The following PRKN variants were observed in gnomAD, a reference collection of about 807,000 sequenced individuals.
PRKN encodes parkin RBR E3 ubiquitin protein ligase, also known as E3 ubiquitin-protein ligase parkin.
In PRKN, 56 loss-of-function variants were observed where a neutral mutation model predicts 59.5. That is an observed-to-expected ratio of 0.94 (90% CI 0.76 to 1.18). PRKN has a LOEUF of 1.18. Among genes scored for constraint, PRKN ranks in the 50% most tolerant of loss-of-function variants. The pLI, the probability that PRKN is intolerant of heterozygous loss-of-function variation, is 0.00. For synonymous variants in PRKN, 250 were observed against 222.1 expected, an observed-to-expected ratio of 1.13 and a Z score of -1.12; for missense variants, 657 against 596.4, an observed-to-expected ratio of 1.10 and a Z score of -1.06.
At position 161,372,825 on chromosome 6, in the gene PRKN, ATTTTTTTTTT is replaced by A; in HGVS notation, c.1168-12630_1168-12621del. On this transcript the variant is annotated intron_variant, in intron 10 of 11. Transcript: ENST00000366898. This position sits in a 1 kb window ranked among gnomAD's most constrained non-coding sequence, Gnocchi z 4.2. ...TGGTCAACAAAGACAGAGAGACCCTATTTTTTTTTTTTTTTTTTTTTTGAGACAGGGTCTC... is the reference window on the plus strand; with the variant it reads ...TGGTCAACAAAGACAGAGAGACCCTATTTTTTTTTTTTGAGACAGGGTCTC... Among the ~76,000 whole-genome samples, 1 of 114,422 alleles carries A rather than the reference ATTTTTTTTTT, an allele frequency of 8.7e-6. No homozygotes were observed. Among genetic ancestry groups the A allele is most frequent in the African/African-American group, 3.4e-5 (1 of 29,608 alleles). The allele number at this position is 114,422 out of a possible 152,430, so 75.1% of individuals were successfully genotyped here. A position where few individuals can be genotyped will look rare whatever the true frequency, so the allele number is the denominator to read the frequency against.
chr6:162,509,169 G>C (rs898057323), intron 1 of PRKN, among the ~76,000 whole-genome samples: 1 of 152,046 alleles, frequency 6.6e-6, no homozygotes, highest in African/African-American at 2.4e-5. Context: ...TTTTAAGTGG[G>C]TATTTCTACA....
chr6:162,074,938 T>G (rs1293729995), intron 4 of PRKN, among the ~76,000 whole-genome samples: 16 of 152,226 alleles, frequency 1.1e-4, no homozygotes, highest in Admixed American at 4.6e-4. Flanking sequence ...AGTGATTTTT[T>G]TTGTTGTTCC....
intron 10 of PRKN, among the ~76,000 whole-genome samples, chr6:161,368,329 TTG>T (rs1273609872): frequency 4.3e-5 from 6 of 140,062 alleles, no homozygotes; most frequent in African/African-American, 1.6e-4. Flanking sequence ...TTATATATAT[TTG>T]TATATATATT....
chr6:162,675,102 A>T (rs1184186695), intron 1 of PRKN, among the ~76,000 whole-genome samples: 2 of 150,692 alleles, frequency 1.3e-5, no homozygotes, highest in African/African-American at 4.9e-5. Flanking sequence ...GCTGGAGTGC[A>T]GTGGCGCGAT....
chr6:162,338,870 T>C (rs1484529527), intron 2 of PRKN, among the ~76,000 whole-genome samples: 161 of 127,240 alleles, frequency 1.3e-3, no homozygotes, highest in African/African-American at 1.4e-3. Flanking sequence ...CGGCCGCCCA[T>C]CGTCTGAGAT....
rs537568898 is a variant in PRKN, at chr6:161,566,607, A to C, written c.933+2748T>G. Among the ~76,000 whole-genome samples, 1 of 152,280 alleles carries C rather than the reference A, an allele frequency of 6.6e-6. No homozygotes were observed. The highest frequency in any genetic ancestry group is 2.1e-4 in the South Asian group (1 of 4,818). On this transcript the variant is annotated intron_variant, in intron 8 of 11. Transcript: ENST00000366898. This position sits in a 1 kb window ranked among gnomAD's most constrained non-coding sequence, Gnocchi z 4.1. ...TTTTTAGTAGAGACAGGGTTTCGCC[A>C]TGTTGGTCAGGCTGGTCTCAGACTC...
At chr6:161,701,176 G>T (rs1172233312) in intron 7 of PRKN, among the ~76,000 whole-genome samples, 1 of 152,168 alleles carries the variant, frequency 6.6e-6, no homozygotes, top group East Asian at 1.9e-4. Context: ...TCTTCTGCCT[G>T]TCCCTGTACT....
intron 7 of PRKN, among the ~76,000 whole-genome samples, chr6:161,733,040 A>G (rs1170736937): frequency 2.6e-5 from 4 of 152,224 alleles, no homozygotes; most frequent in Admixed American, 6.5e-5. Flanking sequence ...GAAAAAAACA[A>G]AAACAAAAAG....
chr6:162,658,171 A>G (rs367769871), intron 1 of PRKN, among the ~76,000 whole-genome samples: 2 of 152,250 alleles, frequency 1.3e-5, no homozygotes, highest in East Asian at 1.9e-4. Flanking sequence ...GTTCCTATAC[A>G]TTTCTTACAA....
chr6:161,763,136 ATATTTTTC>A (rs1789273188), intron 7 of PRKN, among the ~76,000 whole-genome samples: 1 of 152,184 alleles, frequency 6.6e-6, no homozygotes, highest in Non-Finnish European at 1.5e-5. Flanking sequence ...AGGAGAACTA[ATATTTTTC>A]CTGGACTGAA....
chr6:162,055,989 TCAGGCATGCACGCACA>T (rs74737575), intron 4 of PRKN, among the ~76,000 whole-genome samples: 80,599 of 150,048 alleles, frequency 0.54, 23,774 homozygotes, highest in East Asian at 0.8. Context: ...CCACACACAC[TCAGGCATGCACGCACA>T]CAGGCATGCA....
chr6:162,382,648 C>T (rs756801531), intron 2 of PRKN, among the ~76,000 whole-genome samples: 1 of 152,142 alleles, frequency 6.6e-6, no homozygotes. Context: ...ATGGTGGTTG[C>T]TAGAAGTTGG....
At chr6:162,200,248 T>C (rs914509379) in intron 4 of PRKN, among the ~76,000 whole-genome samples, 1 of 152,056 alleles carries the variant, frequency 6.6e-6, no homozygotes, top group Non-Finnish European at 1.5e-5. Context: ...ATGCCCTCTA[T>C]TGCAACCACA....
rs532274224 is a variant in PRKN, at chr6:161,389,477, G to A, written c.1084-2600C>T. Among the ~76,000 whole-genome samples the A allele has an allele frequency of 2.6e-4, 39 of 152,324 alleles. No individual in the cohort carries two copies. In the South Asian group the frequency reaches 5.0e-3, roughly 19 times the overall value. On this transcript the variant is annotated intron_variant, in intron 9 of 11. Coordinates refer to ENST00000366898, the MANE Select transcript of PRKN (RefSeq NM_004562.3). ...TTTATTTAAAGGTTGGTGGGACAGC[G>A]TGTGTGCATCAGAACGTCCTTACAC...
At chr6:162,427,644 G>GTTTTTTTTTTTTTTTTTTTTTT (rs1219394770) in intron 2 of PRKN, among the ~76,000 whole-genome samples, 1 of 144,208 alleles carries the variant, frequency 6.9e-6, no homozygotes, top group African/African-American at 2.6e-5. Flanking sequence ...GTAAATAAAT[G>GTTTTTTTTTTTTTTTTTTTTTT]TTTTTTTTTC....
intron 4 of PRKN, among the ~76,000 whole-genome samples, chr6:162,129,816 T>C (rs10945797): frequency 0.22 from 32,727 of 152,072 alleles, 3,865 homozygotes; most frequent in Non-Finnish European, 0.26. Flanking sequence ...AGTAAATATA[T>C]ACAGTAAGTC....
intron 6 of PRKN, among the ~76,000 whole-genome samples, chr6:161,850,103 C>T (rs1252564454): frequency 2.6e-5 from 4 of 152,066 alleles, no homozygotes; most frequent in African/African-American, 4.8e-5. Flanking sequence ...AAAGCTATGG[C>T]GTCACAGGTA....
rs1385525498 is a variant in PRKN, at chr6:161,562,084, C to T, written c.933+7271G>A. ...CCAACACCATAAATCAGCATTCCTC[C>T]TCTGGAAGCCCCACCTTCTCAGCTT... is the stretch of plus-strand genomic sequence containing the variant. On this transcript the variant is annotated intron_variant, in intron 8 of 11. Transcript: ENST00000366898. This position sits in a 1 kb window ranked among gnomAD's most constrained non-coding sequence, Gnocchi z 4.3. Among the ~76,000 whole-genome samples the T allele has an allele frequency of 2.0e-5, 3 of 151,170 alleles. No individual in the cohort carries two copies. Among genetic ancestry groups the T allele is most frequent in the Non-Finnish European group, 3.0e-5 (2 of 67,774 alleles).
At chr6:162,371,981 C>G (rs1259838674) in intron 2 of PRKN, among the ~76,000 whole-genome samples, 1 of 152,158 alleles carries the variant, frequency 6.6e-6, no homozygotes, top group Non-Finnish European at 1.5e-5. Flanking sequence ...ACCTTCTTGA[C>G]AGAAGTGCAC....
Sources: gnomAD v4.1 joint callset for allele counts (sites outside exome capture counted in the v4.1 genomes callset) on GRCh38, gnomAD v4.1.1 for gene constraint, Gnocchi (gnomAD v3.1) non-coding constraint, MANE v1.5 for transcripts, NCBI Gene and HGNC (gene_info 2026-07-23, HGNC 2026-07-21) for gene names.